Variants in KAZN observed in about 807,000 individuals in gnomAD.
The protein encoded by KAZN is kazrin, periplakin interacting protein, also known as kazrin.
Under a neutral mutation model 87.4 loss-of-function variants are expected in KAZN, and 40 were observed. That is an observed-to-expected ratio of 0.46 (90% CI 0.36 to 0.60). The LOEUF is 0.60. KAZN is among the 20% of genes least tolerant of loss of function. KAZN has a pLI of 0.00. For synonymous variants in KAZN, 466 were observed against 458.3 expected, an observed-to-expected ratio of 1.02 and a Z score of -0.22; for missense variants, 898 against 1,073.9, an observed-to-expected ratio of 0.84 and a Z score of 2.29.
intron 1 of KAZN, among the ~76,000 whole-genome samples, chr1:14,658,518 G>A (rs1302804954): frequency 3.3e-5 from 5 of 152,042 alleles, no homozygotes; most frequent in South Asian, 4.1e-4. Flanking sequence ...GAAAGTCCTC[G>A]AAAAATGTCA....
At chr1:14,600,377 C>G (rs1347989029) in intron 1 of KAZN, among the ~76,000 whole-genome samples, 1 of 152,186 alleles carries the variant, frequency 6.6e-6, no homozygotes, top group Admixed American at 6.5e-5. Context: ...CCATCAGTCT[C>G]TGTTTCCACC....
At chr1:14,265,189 T>G (rs185661265) in intron 2 of KAZN, among the ~76,000 whole-genome samples, 18 of 152,280 alleles carry the variant, frequency 1.2e-4, no homozygotes, top group Non-Finnish European at 2.6e-4. Context: ...ATAACGACAT[T>G]CCACAAAGTA....
chr1:13,989,807 G>A (rs1158189925), intron 1 of KAZN, among the ~76,000 whole-genome samples: 2 of 152,184 alleles, frequency 1.3e-5, no homozygotes, highest in African/African-American at 4.8e-5. Flanking sequence ...GAGAAGGATT[G>A]AAAAGAATTG....
At chr1:14,522,214 G>C (rs764361966) in intron 2 of KAZN, among the ~76,000 whole-genome samples, 1 of 152,152 alleles carries the variant, frequency 6.6e-6, no homozygotes, top group Non-Finnish European at 1.5e-5. Context: ...CATAGGCACG[G>C]CTGTATAATG....
intron 1 of KAZN, among the ~76,000 whole-genome samples, chr1:14,779,042 T>G (rs1211854720): frequency 6.6e-6 from 1 of 152,142 alleles, no homozygotes; most frequent in Non-Finnish European, 1.5e-5. Context: ...AGAGTGAGTG[T>G]TTCCATGACA....
chr1:14,978,091 T>C (rs1293622705), intron 2 of KAZN, among the ~76,000 whole-genome samples: 1 of 152,046 alleles, frequency 6.6e-6, no homozygotes, highest in African/African-American at 2.4e-5. Flanking sequence ...GAGTTTCTGG[T>C]CCAGGCGAAC....
intron 2 of KAZN, among the ~76,000 whole-genome samples, chr1:14,561,907 A>C (rs1327096586): frequency 6.6e-6 from 1 of 151,866 alleles, no homozygotes; most frequent in Non-Finnish European, 1.5e-5. Flanking sequence ...CCATCTCAAA[A>C]AAAAAAAGAA....
At chr1:13,919,461 T>C (rs1270746058) in intron 1 of KAZN, among the ~76,000 whole-genome samples, 1 of 152,236 alleles carries the variant, frequency 6.6e-6, no homozygotes, top group African/African-American at 2.4e-5. Context: ...CTTAATGGTC[T>C]TTTGGGTTAT....
rs115852972 is a variant in KAZN, at chr1:15,066,102, T to G, written c.1222+349T>G. On this transcript the variant is annotated intron_variant, in intron 8 of 14. Transcript: ENST00000376030. This position sits in a 1 kb window ranked among gnomAD's most constrained non-coding sequence, Gnocchi z 4.3. ...AATCTGGTTTATTATTTTTCTTCAG[T>G]GTTTGGTTTTTCTTTTTCTTTTTGT... 2.1e-3 allele frequency: 2,318 copies of G among 1,129,226 alleles called. 48 individuals are homozygous for G. The African/African-American group carries it at 0.035, about 17-fold the overall frequency. The allele number at this position is 1,129,226 out of a possible 1,614,324, so 70.0% of individuals were successfully genotyped here. A position where few individuals can be genotyped will look rare whatever the true frequency, so the allele number is the denominator to read the frequency against.
At chr1:14,987,190 G>A (rs756598393) in intron 2 of KAZN, among the ~76,000 whole-genome samples, 4 of 152,154 alleles carry the variant, frequency 2.6e-5, no homozygotes, top group East Asian at 1.9e-4. Flanking sequence ...CTTTGCACAC[G>A]ATTGCCAAAG....
chr1:14,723,168 C>T (rs1055962999), intron 1 of KAZN, among the ~76,000 whole-genome samples: 5 of 152,136 alleles, frequency 3.3e-5, no homozygotes, highest in African/African-American at 1.2e-4. Context: ...ATTTCCTCCT[C>T]CTGACCCTGC....
chr1:15,102,815 C>T (rs1045486307), intron 11 of KAZN, among the ~76,000 whole-genome samples: 1 of 152,208 alleles, frequency 6.6e-6, no homozygotes, highest in African/African-American at 2.4e-5. Flanking sequence ...TGGCTCTGGG[C>T]AGTCAGAGCT....
chr1:14,932,287 G>A (rs112751257), intron 1 of KAZN, among the ~76,000 whole-genome samples: 13 of 151,864 alleles, frequency 8.6e-5, no homozygotes, highest in Middle Eastern at 3.4e-3. Context: ...TTTCATTGTC[G>A]GGCGTGATGC....
In KAZN at chr1:14,955,320, C is replaced by G. The variant is rs143477040; in HGVS notation, c.227-5364C>G. 4.5e-3 allele frequency among the ~76,000 whole-genome samples: 691 copies of G among 152,344 alleles called. 10 individuals carry two copies. The highest frequency in any genetic ancestry group is 0.034 in the South Asian group (164 of 4,830). On this transcript the variant is annotated intron_variant, in intron 1 of 14. Coordinates refer to ENST00000376030, the MANE Select transcript of KAZN (RefSeq NM_201628.3). ...CATGTCTTATTTATTCCCATCTCCC[C>G]CGTTTTACAGGTGAGGCCACCGAGG...
At chr1:13,899,537 C>T (rs1434067256) in intron 1 of KAZN, among the ~76,000 whole-genome samples, 1 of 152,102 alleles carries the variant, frequency 6.6e-6, no homozygotes, top group Non-Finnish European at 1.5e-5. Flanking sequence ...ACTGGGGTGA[C>T]AGTCACTCCT....
chr1:14,657,531 T>A (rs2148708673), intron 1 of KAZN, among the ~76,000 whole-genome samples: 1 of 152,334 alleles, frequency 6.6e-6, no homozygotes, highest in Admixed American at 6.5e-5. Flanking sequence ...GACACTTAAG[T>A]ACTACCCCAC....
intron 2 of KAZN, among the ~76,000 whole-genome samples, chr1:15,001,683 G>A (rs1668487407): frequency 6.6e-6 from 1 of 151,938 alleles, no homozygotes; most frequent in African/African-American, 2.4e-5. Flanking sequence ...TTGAACACGT[G>A]CCTCCTTCAA....
At chr1:14,052,984 T>C (rs1321991993) in intron 1 of KAZN, among the ~76,000 whole-genome samples, 1 of 152,158 alleles carries the variant, frequency 6.6e-6, no homozygotes, top group Non-Finnish European at 1.5e-5. Flanking sequence ...GTCTGTGCCC[T>C]TGTGTATTCC....
At chr1:14,346,075 A>C (rs1658083729) in intron 2 of KAZN, among the ~76,000 whole-genome samples, 1 of 152,208 alleles carries the variant, frequency 6.6e-6, no homozygotes, top group Non-Finnish European at 1.5e-5. Context: ...GGCCACTAGA[A>C]GTTTCCTGCT....
Sources: allele counts gnomAD v4.1 joint callset (sites outside exome capture counted in the v4.1 genomes callset), GRCh38; gene constraint gnomAD v4.1.1; non-coding constraint Gnocchi (gnomAD v3.1); transcripts MANE v1.5; gene names NCBI Gene and HGNC (gene_info 2026-07-23, HGNC 2026-07-21).